OSGIN2: variants seen among roughly 807,000 people sequenced by gnomAD.
OSGIN2 encodes oxidative stress-induced growth inhibitor 2.
In OSGIN2, 19 loss-of-function variants were observed where a neutral mutation model predicts 53.8. That is an observed-to-expected ratio of 0.35 (90% CI 0.25 to 0.52). The LOEUF is 0.52. Ranked by LOEUF, OSGIN2 falls within the 20% of genes least tolerant of loss-of-function variation. OSGIN2 has a pLI of 0.95. For missense variants in OSGIN2, 520 were observed against 662.7 expected, an observed-to-expected ratio of 0.78 and a Z score of 2.36; for synonymous variants, 236 against 236.0, an observed-to-expected ratio of 1.00 and a Z score of 0.00.
intron 1 of OSGIN2, among the ~76,000 whole-genome samples, chr8:89,907,869 G>T (rs545872641): frequency 6.6e-6 from 1 of 152,260 alleles, no homozygotes; most frequent in Admixed American, 6.5e-5. Context: ...AATTTGCATA[G>T]CCATTTTAAT....
At chr8:89,905,568 T>G (rs1808822942) in intron 1 of OSGIN2, among the ~76,000 whole-genome samples, 1 of 152,236 alleles carries the variant, frequency 6.6e-6, no homozygotes. Flanking sequence ...TCATTAATGT[T>G]TTATGTAAAA....
intron 4 of OSGIN2, among the ~76,000 whole-genome samples, chr8:89,920,800 A>G (rs576765067): frequency 1.3e-5 from 2 of 152,364 alleles, no homozygotes; most frequent in Non-Finnish European, 2.9e-5. Context: ...AAAGTTATCA[A>G]CATTGTGTAG....
intron 4 of OSGIN2, among the ~76,000 whole-genome samples, chr8:89,915,745 G>A (rs1367427778): frequency 6.6e-6 from 1 of 152,192 alleles, no homozygotes; most frequent in Non-Finnish European, 1.5e-5. Flanking sequence ...TCGGTTGGCT[G>A]TTCGTGTATT....
intron 2 of OSGIN2, among the ~76,000 whole-genome samples, chr8:89,911,705 C>A (rs1456257961): frequency 6.7e-6 from 1 of 149,680 alleles, no homozygotes; most frequent in African/African-American, 2.5e-5. Context: ...GAGGCTGAGG[C>A]GGGCATATAA....
chr8:89,916,047 C>T (rs1054175323), intron 4 of OSGIN2, among the ~76,000 whole-genome samples: 5 of 152,084 alleles, frequency 3.3e-5, no homozygotes, highest in Non-Finnish European at 1.5e-5. Flanking sequence ...AGAAAGAATT[C>T]TATCATGCCC....
chr8:89,907,902 G>T (rs189585780), intron 1 of OSGIN2, among the ~76,000 whole-genome samples: 1 of 152,274 alleles, frequency 6.6e-6, no homozygotes, highest in East Asian at 1.9e-4. Flanking sequence ...TCCTACACAT[G>T]AATATGGAAT....
At position 89,916,589 on chromosome 8, in the gene OSGIN2, A is replaced by C. The variant is rs138042854; in HGVS notation, c.528+1843A>C. Among the ~76,000 whole-genome samples, 511 of 152,282 alleles carry C rather than the reference A, an allele frequency of 3.4e-3. 4 individuals carry two copies. The highest frequency in any genetic ancestry group is 0.011 in the African/African-American group (471 of 41,562). Reference sequence around the variant, plus strand: ...TCCTAATTAACCTGAGTTGTGACTTAAGACGTAAACTCCTTGAGTCATCAC... The same window carrying C: ...TCCTAATTAACCTGAGTTGTGACTTCAGACGTAAACTCCTTGAGTCATCAC... On this transcript the variant is annotated intron_variant, in intron 4 of 5. Coordinates refer to ENST00000451899, the MANE Select transcript of OSGIN2 (RefSeq NM_001126111.3).
chr8:89,917,917 G>C (rs749067549), intron 4 of OSGIN2, among the ~76,000 whole-genome samples: 1 of 151,984 alleles, frequency 6.6e-6, no homozygotes, highest in African/African-American at 2.4e-5. Context: ...TTCTCTGCCA[G>C]CTTCTATTGG....
intron 1 of OSGIN2, among the ~76,000 whole-genome samples, chr8:89,908,457 ATTCTT>A (rs1808883365): frequency 1.3e-5 from 2 of 152,254 alleles, no homozygotes; most frequent in South Asian, 2.1e-4. Context: ...TCTCTGCCTG[ATTCTT>A]TTCTGTTTAT....
chr8:89,924,437 A>C (rs1809271331), intron 5 of OSGIN2, 66 bp from the exon 6 acceptor site: 6 of 1,156,832 alleles, frequency 5.2e-6, no homozygotes, highest in Non-Finnish European at 7.4e-6. Flanking sequence ...TACTAGGTAG[A>C]TAAGTAATAA....
rs1452140830 is a variant in OSGIN2 at position 89,926,876 on chromosome 8, G to A, written c.*1344G>A. The A allele has an allele frequency of 6.6e-6, 1 of 152,064 alleles. No individual in the cohort carries two copies. The highest frequency in any genetic ancestry group is 1.5e-5 in the Non-Finnish European group (1 of 67,996). The allele number at this position is 152,064 out of a possible 1,614,324, so 9.4% of individuals were successfully genotyped here. ...TGTTCATTTTATTGCAGTATTAAAT[G>A]CTTAAGCTTATTAGGACCATAATTC... On this transcript the variant is annotated 3_prime_UTR_variant, in exon 6 of 6. Transcript: ENST00000451899.
Position 89,927,371 on chromosome 8 carries a change from G to A in OSGIN2, c.*1839G>A, listed in dbSNP as rs1809363748. On this transcript the variant is annotated 3_prime_UTR_variant, in exon 6 of 6. Transcript: ENST00000451899. The stretch of plus-strand genomic sequence containing the variant: ...AAATCTGGTGAATAATTTCATCTTT[G>A]GTAATCTCCCATTTCCTGAGTTCTT... 6.6e-6 allele frequency: 1 copy of A among 151,626 alleles called. No homozygotes were observed. Among genetic ancestry groups the A allele is most frequent in the African/African-American group, 2.4e-5 (1 of 41,270 alleles). The allele number at this position is 151,626 out of a possible 1,614,324, so 9.4% of individuals were successfully genotyped here.
At position 89,925,130 on chromosome 8, in the gene OSGIN2, A is replaced by G; in HGVS notation, c.1248A>G (p.Leu416=). The G allele has an allele frequency of 6.2e-7, 1 of 1,614,106 alleles. No individual in the cohort carries two copies. The highest frequency in any genetic ancestry group is 8.5e-7 in the Non-Finnish European group (1 of 1,179,938). ...TQSYSVDSNL[L]SDYTSFPEHR... ...CATATTCTGTAGACTCAAATCTTTT[A>G]TCTGATTATACCAGCTTTCCCGAGC... Residue 416 remains leucine (L), a synonymous_variant, in exon 6 of 6, where the codon TTA becomes TTG. Transcript: ENST00000451899.
chr8:89,902,767 G>A lies in OSGIN2; in HGVS notation c.-27G>A. On this transcript the variant is annotated 5_prime_UTR_variant, in exon 1 of 6. Transcript: ENST00000451899. ...AGGCGGAGGCGGCCACGGCGGCCGC[G>A]CTCGGGCGCCCCTCGCGCAGCGCTC... is the stretch of plus-strand genomic sequence containing the variant. The A allele has an allele frequency of 1.6e-6, 2 of 1,225,682 alleles. No individual in the cohort carries two copies. Among genetic ancestry groups the A allele is most frequent in the South Asian group, 7.9e-5 (2 of 25,248 alleles). The allele number at this position is 1,225,682 out of a possible 1,614,324, so 75.9% of individuals were successfully genotyped here. A position where few individuals can be genotyped will look rare whatever the true frequency, so the allele number is the denominator to read the frequency against.
intron 3 of OSGIN2, 126 bp from the exon 4 acceptor site, chr8:89,914,429 G>T: frequency 2.7e-6 from 2 of 732,436 alleles, no homozygotes; most frequent in Non-Finnish European, 4.4e-6. Context: ...TGGAGATTTA[G>T]TAGGTGCTCT....
intron 5 of OSGIN2, among the ~76,000 whole-genome samples, chr8:89,922,446 C>T (rs760062473): frequency 1.8e-4 from 27 of 152,174 alleles, no homozygotes; most frequent in Admixed American, 4.6e-4. Flanking sequence ...ACATTCTTCA[C>T]TTTGTAAAAG....
At chr8:89,912,481 C>T (rs994035040) in intron 2 of OSGIN2, among the ~76,000 whole-genome samples, 3 of 151,962 alleles carry the variant, frequency 2.0e-5, no homozygotes, top group African/African-American at 4.8e-5. Flanking sequence ...ATTGGTTGGG[C>T]GTGATGGCTC....
intron 5 of OSGIN2, 144 bp from the exon 6 acceptor site, chr8:89,924,359 T>G: frequency 1.8e-6 from 1 of 571,280 alleles, no homozygotes; most frequent in Non-Finnish European, 2.9e-6. Flanking sequence ...TAAAAATAGT[T>G]TTTTTTTTAA....
At chr8:89,923,971 T>C (rs1809259872) in intron 5 of OSGIN2, among the ~76,000 whole-genome samples, 1 of 152,216 alleles carries the variant, frequency 6.6e-6, no homozygotes, top group Non-Finnish European at 1.5e-5. Flanking sequence ...TTAACCTAGA[T>C]GTAAGATGAC....
Sources: allele counts gnomAD v4.1 joint callset (sites outside exome capture counted in the v4.1 genomes callset), GRCh38; gene constraint gnomAD v4.1.1; transcripts MANE v1.5; gene names NCBI Gene and HGNC (gene_info 2026-07-23, HGNC 2026-07-21).